The following ZFYVE28 variants were observed in gnomAD, a reference collection of about 807,000 sequenced individuals.
The protein encoded by ZFYVE28 is lateral signaling target protein 2 homolog.
Under a neutral mutation model 82.1 loss-of-function variants are expected in ZFYVE28, and 40 were observed. That is an observed-to-expected ratio of 0.49 (90% CI 0.38 to 0.63). The LOEUF is 0.63. Ranked by LOEUF, ZFYVE28 falls within the 30% of genes least tolerant of loss-of-function variation. The probability of loss-of-function intolerance (pLI) is 0.00; values close to 1 mark genes in which losing one functional copy is unlikely to be tolerated. For missense variants in ZFYVE28, 1,321 were observed against 1,242.1 expected (o/e 1.06, Z -0.96); for synonymous variants, 612 against 546.1 (o/e 1.12, Z -1.68).
In ZFYVE28 at chr4:2,341,610, A is replaced by G. The variant is rs1722815837; in HGVS notation, c.186T>C (p.Asn62=). ...TGATCTGGTTAATGATGTTCAACACATTGTCCTGAAACAGAAGACAGGAGA... is the reference window on the plus strand; with the variant it reads ...TGATCTGGTTAATGATGTTCAACACGTTGTCCTGAAACAGAAGACAGGAGA... The part of the protein sequence containing the change: ...LVSQFRSCQD[N]VLNIINQIMD... Residue 62 remains asparagine (N), a synonymous_variant, in exon 3 of 13, where the codon AAT becomes AAC. Coordinates refer to ENST00000290974, the MANE Select transcript of ZFYVE28 (RefSeq NM_020972.3). This position sits in a 1 kb window ranked among gnomAD's most constrained non-coding sequence, Gnocchi z 4.5. The G allele has an allele frequency of 6.2e-7, 1 of 1,608,056 alleles. No homozygotes were observed. Among genetic ancestry groups the G allele is most frequent in the Non-Finnish European group, 8.5e-7 (1 of 1,175,048 alleles).
At chr4:2,325,777 G>C (rs1409008644) in intron 6 of ZFYVE28, among the ~76,000 whole-genome samples, 1 of 151,812 alleles carries the variant, frequency 6.6e-6, no homozygotes, top group Non-Finnish European at 1.5e-5. Context: ...TTTTGCTGTT[G>C]GGATGAGGTT....
chr4:2,289,910 C>T (rs1014623218), intron 8 of ZFYVE28, among the ~76,000 whole-genome samples: 2 of 121,240 alleles, frequency 1.6e-5, no homozygotes, highest in Non-Finnish European at 3.9e-5. Context: ...TCCTCATCAC[C>T]CACAGGGGAC....
chr4:2,416,710 A>T lies in ZFYVE28; in HGVS notation c.39+1575T>A, dbSNP rs1417606807. Among the ~76,000 whole-genome samples, 2 of 152,286 alleles carry T rather than the reference A, an allele frequency of 1.3e-5. No homozygotes were observed. The highest frequency in any genetic ancestry group is 2.1e-4 in the South Asian group (1 of 4,818). On this transcript the variant is annotated intron_variant, in intron 1 of 12. Transcript: ENST00000290974. The surrounding 1 kb of genome is among the most constrained non-coding windows in gnomAD (Gnocchi z 4.6). ...TCGGCCCCAAACCACACCCAGCGCC[A>T]GGAAACGCAAGGCTCGGGACGAACC...
intron 1 of ZFYVE28, among the ~76,000 whole-genome samples, chr4:2,357,030 T>C (rs1725432838): frequency 6.6e-6 from 1 of 152,090 alleles, no homozygotes; most frequent in Non-Finnish European, 1.5e-5. Context: ...GTAGCTGGGA[T>C]TACAGGTGTA....
At chr4:2,378,109 G>A (rs1728352177) in intron 1 of ZFYVE28, among the ~76,000 whole-genome samples, 1 of 152,260 alleles carries the variant, frequency 6.6e-6, no homozygotes, top group African/African-American at 2.4e-5. Context: ...GGAGGCTGAA[G>A]CGGGCGGATC....
intron 8 of ZFYVE28, among the ~76,000 whole-genome samples, chr4:2,279,030 A>G (rs1351178240): frequency 6.6e-6 from 1 of 152,154 alleles, no homozygotes; most frequent in Non-Finnish European, 1.5e-5. Context: ...CTTATGGAAA[A>G]ATAAAATGGC....
intron 6 of ZFYVE28, among the ~76,000 whole-genome samples, chr4:2,329,415 C>G (rs1286340556): frequency 6.6e-6 from 1 of 152,106 alleles, no homozygotes; most frequent in Non-Finnish European, 1.5e-5. Context: ...TAATTACATC[C>G]AATGGAATAT....
At chr4:2,354,665 G>C (rs1433899372) in intron 1 of ZFYVE28, among the ~76,000 whole-genome samples, 1 of 151,878 alleles carries the variant, frequency 6.6e-6, no homozygotes, top group Non-Finnish European at 1.5e-5. Flanking sequence ...CGCCATATTG[G>C]CCAGGCTAGT....
At chr4:2,316,018 G>C (rs1578051034) in intron 7 of ZFYVE28, among the ~76,000 whole-genome samples, 4 of 152,012 alleles carry the variant, frequency 2.6e-5, no homozygotes, top group African/African-American at 9.6e-5. Context: ...TTCAGTTTGG[G>C]TCTCTTCTAT....
chr4:2,304,713 C>T lies in ZFYVE28; in HGVS notation c.1627G>A (p.Glu543Lys), dbSNP rs147422794. The change falls in exon 8 of 13, where the codon GAG (glutamate) becomes AAG (lysine). Residue 543 changes from glutamate (E) to lysine (K), a missense_variant. Glu to Lys is a moderately conservative substitution (Grantham distance 56). Transcript: ENST00000290974. ...TQEAASEPVA[E>K]GMDGGPHKLS... is the part of the protein sequence containing the mutation. ...TTGTGGGGGCCGCCATCCATCCCCTCGGCCACGGGCTCCGAGGCGGCCTCC... is the reference window on the plus strand; with the variant it reads ...TTGTGGGGGCCGCCATCCATCCCCTTGGCCACGGGCTCCGAGGCGGCCTCC... 106 of 1,612,550 alleles carry T rather than the reference C, an allele frequency of 6.6e-5. No individual in the cohort carries two copies. Among genetic ancestry groups the T allele is most frequent in the East Asian group, 2.7e-4 (12 of 44,894 alleles).
At chr4:2,333,462 C>T (rs1020237238) in intron 6 of ZFYVE28, among the ~76,000 whole-genome samples, 1 of 151,788 alleles carries the variant, frequency 6.6e-6, no homozygotes, top group Admixed American at 6.6e-5. Context: ...GTTCTGCGGT[C>T]GCCTGTACTC....
intron 1 of ZFYVE28, among the ~76,000 whole-genome samples, chr4:2,377,931 C>G (rs761913198): frequency 1.3e-5 from 2 of 152,238 alleles, no homozygotes; most frequent in Non-Finnish European, 2.9e-5. Flanking sequence ...GAGCCTGTTG[C>G]TCCTGGGCCA....
intron 6 of ZFYVE28, among the ~76,000 whole-genome samples, chr4:2,324,065 A>T (rs189803565): frequency 6.6e-6 from 1 of 152,268 alleles, no homozygotes; most frequent in East Asian, 1.9e-4. Context: ...TACCCTCTGT[A>T]TCAAAGTTCT....
intron 1 of ZFYVE28, among the ~76,000 whole-genome samples, chr4:2,377,537 T>C (rs147450786): frequency 1.0e-3 from 153 of 152,268 alleles, no homozygotes; most frequent in African/African-American, 3.4e-3. Context: ...GCCTGAAAAA[T>C]GTCTTCATCT....
chr4:2,393,405 T>G (rs745423068), intron 1 of ZFYVE28, among the ~76,000 whole-genome samples: 1 of 152,228 alleles, frequency 6.6e-6, no homozygotes, highest in Admixed American at 6.5e-5. Flanking sequence ...TTCCCAACTA[T>G]GCAAAAAAGT....
rs142295705 is a variant in ZFYVE28, at chr4:2,339,848, C to A, written c.319-193G>T. ...AATCGTGAGGGCGATAACCGATGTCCCCCAATGTGACCCACGGGGTCCTCA... is the reference window on the plus strand; with the variant it reads ...AATCGTGAGGGCGATAACCGATGTCACCCAATGTGACCCACGGGGTCCTCA... On this transcript the variant is annotated intron_variant, in intron 3 of 12. Coordinates refer to ENST00000290974, the MANE Select transcript of ZFYVE28 (RefSeq NM_020972.3). The surrounding 1 kb of genome is among the most constrained non-coding windows in gnomAD (Gnocchi z 5.0). Among the ~76,000 whole-genome samples the A allele has an allele frequency of 6.6e-6, 1 of 151,940 alleles. No homozygotes were observed. The highest frequency in any genetic ancestry group is 1.5e-5 in the Non-Finnish European group (1 of 67,914).
At chr4:2,304,224 G>A (rs1330527365) in intron 8 of ZFYVE28, 65 bp downstream of exon 8, 9 of 1,495,838 alleles carry the variant, frequency 6.0e-6, no homozygotes, top group Non-Finnish European at 8.0e-6. Context: ...CTTGGAGAAT[G>A]CGCCAGCACC....
At chr4:2,318,637 G>A (rs1013034578) in intron 7 of ZFYVE28, among the ~76,000 whole-genome samples, 4 of 152,212 alleles carry the variant, frequency 2.6e-5, no homozygotes, top group Admixed American at 6.5e-5. Flanking sequence ...CAGTTCCATC[G>A]GGGCGGCAGG....
chr4:2,274,308 C>T, intron 8 of ZFYVE28, 92 bp from the exon 9 acceptor site: 1 of 1,465,846 alleles, frequency 6.8e-7, no homozygotes, highest in African/African-American at 1.4e-5. Flanking sequence ...AAGTCTGTGT[C>T]CTCGCAGACG....
Sources: gnomAD v4.1 joint callset for allele counts (sites outside exome capture counted in the v4.1 genomes callset) on GRCh38, gnomAD v4.1.1 for gene constraint, Gnocchi (gnomAD v3.1) non-coding constraint, MANE v1.5 for transcripts, NCBI Gene and HGNC (gene_info 2026-07-23, HGNC 2026-07-21) for gene names.